Variants in LCK observed in about 807,000 individuals in gnomAD.
LCK encodes the protein tyrosine-protein kinase Lck.
A neutral mutation model predicts 64.6 loss-of-function variants in LCK; 14 were observed. That is an observed-to-expected ratio of 0.22 (90% CI 0.14 to 0.34). The LOEUF (loss-of-function observed/expected upper bound fraction) is 0.34, where lower values mean the gene tolerates loss of function less well. LCK is among the 10% of genes least tolerant of loss of function. The probability of loss-of-function intolerance (pLI) is 1.00; values close to 1 mark genes in which losing one functional copy is unlikely to be tolerated. For missense variants in LCK, 434 were observed against 668.1 expected (o/e 0.65, Z 3.86); for synonymous variants, 277 against 263.6 (o/e 1.05, Z -0.49).
At chr1:32,277,580 G>C (rs1377500727) in intron 9 of LCK, among the ~76,000 whole-genome samples, 2 of 152,104 alleles carry the variant, frequency 1.3e-5, no homozygotes, top group Admixed American at 6.6e-5. Context: ...TGAGTTTCTA[G>C]CTTCAGCTTT....
intron 9 of LCK, among the ~76,000 whole-genome samples, chr1:32,279,136 G>A (rs188201872): frequency 3.9e-5 from 6 of 152,308 alleles, no homozygotes; most frequent in Admixed American, 3.9e-4. Context: ...TTTGTGCCAT[G>A]GGAAAGTTCC....
Position 32,279,926 on chromosome 1 carries a change from T to C in LCK, c.1127T>C (p.Leu376Pro), listed in dbSNP as rs781227475. The change falls in exon 11 of 13, where the codon CTG (leucine) becomes CCG (proline). Residue 376 changes from leucine (L) to proline (P), a missense_variant. Coordinates refer to ENST00000336890, the MANE Select transcript of LCK (RefSeq NM_005356.5). ...RAANILVSDT[L>P]SCKIADFGLA... The stretch of plus-strand genomic sequence containing the variant: ...GCCAACATTCTGGTGTCTGACACCC[T>C]GAGCTGCAAGATTGCAGACTTTGGC... 1.9e-6 allele frequency: 3 copies of C among 1,614,092 alleles called. No individual in the cohort carries two copies. The highest frequency in any genetic ancestry group is 1.1e-5 in the South Asian group (1 of 91,088).
intron 1 of LCK, among the ~76,000 whole-genome samples, chr1:32,268,317 A>G (rs1242419016): frequency 2.6e-5 from 4 of 152,066 alleles, no homozygotes. Context: ...TTATTCATTT[A>G]TTTATTTACT....
chr1:32,281,337 G>A (rs1209356620), intron 12 of LCK, among the ~76,000 whole-genome samples: 10 of 150,124 alleles, frequency 6.7e-5, no homozygotes, highest in African/African-American at 1.7e-4. Context: ...GCACACACCC[G>A]TAGTTTCAGC....
At chr1:32,283,813 C>T (rs1219152878) in intron 12 of LCK, among the ~76,000 whole-genome samples, 1 of 152,164 alleles carries the variant, frequency 6.6e-6, no homozygotes. Context: ...GGGTGCCCAT[C>T]CTGCCCTGGG....
intron 3 of LCK, 29 bp downstream of exon 3, chr1:32,274,847 C>A: frequency 6.2e-7 from 1 of 1,613,996 alleles, no homozygotes; most frequent in African/African-American, 1.3e-5. Flanking sequence ...GCCTGAAAGA[C>A]AAGGCCTGCG....
In LCK at chr1:32,280,443, C is replaced by CTTTTTTTTTTTTTTTTTTTTTTT. The variant is rs770430504; in HGVS notation, c.1327+241_1327+263dup. On this transcript the variant is annotated intron_variant, in intron 12 of 12. Transcript: ENST00000336890. ...TTTCTTTTTCTCTTTTTTTCTTTTTCTTTTTTTTTTTTTTTTTTTTTTTTT... is the reference window on the plus strand; with the variant it reads ...TTTCTTTTTCTCTTTTTTTCTTTTTCTTTTTTTTTTTTTTTTTTTTTTTTTTTTTTTTTTTTTTTTTTTTTTTT... Among the ~76,000 whole-genome samples the CTTTTTTTTTTTTTTTTTTTTTTT allele has an allele frequency of 1.4e-4, 12 of 84,742 alleles. 1 individual carries two copies. The highest frequency in any genetic ancestry group is 3.4e-4 in the East Asian group (1 of 2,970). The allele number at this position is 84,742 out of a possible 152,430, so 55.6% of individuals were successfully genotyped here.
chr1:32,272,970 GTGCGTGTGTGTGGGGGTGAA>G (rs1288936838), intron 1 of LCK, among the ~76,000 whole-genome samples: 2 of 148,870 alleles, frequency 1.3e-5, no homozygotes, highest in African/African-American at 2.5e-5. Context: ...TGTGGGGTGA[GTGCGTGTGTGTGGGGGTGAA>G]TGCGTGTGTG....
intron 1 of LCK, among the ~76,000 whole-genome samples, chr1:32,258,675 G>T (rs1271751934): frequency 7.1e-6 from 1 of 140,956 alleles, no homozygotes; most frequent in African/African-American, 2.9e-5. Flanking sequence ...ATGGTGGCGG[G>T]TGCCTGTAAT....
chr1:32,280,304 G>T, intron 12 of LCK, 94 bp downstream of exon 12: 1 of 1,507,552 alleles, frequency 6.6e-7, no homozygotes, highest in Non-Finnish European at 9.0e-7. Flanking sequence ...CTGAAACTTT[G>T]TAGCTGCATC....
chr1:32,255,729 C>T (rs554945913), intron 1 of LCK, among the ~76,000 whole-genome samples: 2 of 152,066 alleles, frequency 1.3e-5, no homozygotes, highest in South Asian at 2.1e-4. Context: ...ATGGGACGCT[C>T]TCTGTCTGCT....
chr1:32,275,146 C>T lies in LCK; in HGVS notation c.278+63C>T. ...AGGGAGCGGCGATCTCCGCGACCCG[C>T]AGCCCTCCTGCGGCCCTTGACCAGC... On this transcript the variant is annotated intron_variant, in intron 4 of 12. Coordinates refer to ENST00000336890, the MANE Select transcript of LCK (RefSeq NM_005356.5). The surrounding 1 kb of genome is among the most constrained non-coding windows in gnomAD (Gnocchi z 6.9). 6.6e-7 allele frequency: 1 copy of T among 1,523,370 alleles called. No homozygotes were observed. 94.4% of individuals were successfully genotyped at this position (1,523,370 alleles called of 1,614,324 possible). A position where few individuals can be genotyped will look rare whatever the true frequency, so the allele number is the denominator to read the frequency against.
At chr1:32,252,649 G>A (rs912460556) in intron 1 of LCK, among the ~76,000 whole-genome samples, 4 of 152,114 alleles carry the variant, frequency 2.6e-5, no homozygotes, top group Non-Finnish European at 5.9e-5. Context: ...GCTGACAGAC[G>A]AATCAGACAG....
intron 12 of LCK, among the ~76,000 whole-genome samples, chr1:32,282,771 A>T (rs769479557): frequency 1.3e-5 from 2 of 152,058 alleles, no homozygotes; most frequent in Non-Finnish European, 2.9e-5. Context: ...ACGCTGTTGC[A>T]CTCCAGCCTG....
intron 12 of LCK, among the ~76,000 whole-genome samples, chr1:32,283,288 C>CAAAAA (rs888361880): frequency 1.5e-4 from 8 of 53,734 alleles, no homozygotes; most frequent in Non-Finnish European, 2.7e-4. Flanking sequence ...GACTCTGTCT[C>CAAAAA]AAAAAAAAAA....
At chr1:32,271,759 C>T (rs1014681337) in intron 1 of LCK, among the ~76,000 whole-genome samples, 1 of 152,146 alleles carries the variant, frequency 6.6e-6, no homozygotes, top group Non-Finnish European at 1.5e-5. Flanking sequence ...ACTGCATGTT[C>T]CAGTTGACAT....
chr1:32,274,289 G>T, intron 1 of LCK, 36 bp from the exon 2 acceptor site: 1 of 1,613,718 alleles, frequency 6.2e-7, no homozygotes, highest in South Asian at 1.1e-5. Context: ...GCAGATCTTG[G>T]GGGAGCCCCT....
At chr1:32,283,686 C>A (rs1640528315) in intron 12 of LCK, among the ~76,000 whole-genome samples, 1 of 152,070 alleles carries the variant, frequency 6.6e-6, no homozygotes, top group Non-Finnish European at 1.5e-5. Context: ...CCTGGGGAAC[C>A]TTCTCAAGTC....
In LCK at chr1:32,276,707, G is replaced by C. The variant is rs368774931; in HGVS notation, c.885G>C (p.Leu295=). The C allele has an allele frequency of 6.2e-6, 10 of 1,614,122 alleles. No homozygotes were observed. Among genetic ancestry groups the C allele is most frequent in the South Asian group, 3.3e-5 (3 of 91,074 alleles). The change falls in exon 9 of 13, where the codon CTG becomes CTC. Residue 295 remains leucine (L), a synonymous_variant. Transcript: ENST00000336890. The surrounding 1 kb of genome is among the most constrained non-coding windows in gnomAD (Gnocchi z 4.6). ...CCGAGGCCAACCTCATGAAGCAGCT[G>C]CAACACCAGCGGCTGGTTCGGCTCT... The part of the protein sequence containing the change: ...FLAEANLMKQ[L]QHQRLVRLYA...
Sources: gnomAD v4.1 joint callset for allele counts (sites outside exome capture counted in the v4.1 genomes callset) on GRCh38, gnomAD v4.1.1 for gene constraint, Gnocchi (gnomAD v3.1) non-coding constraint, MANE v1.5 for transcripts, NCBI Gene and HGNC (gene_info 2026-07-23, HGNC 2026-07-21) for gene names.